Variants in UNC5C observed in about 807,000 individuals in gnomAD.
UNC5C encodes netrin receptor UNC5C.
Under a neutral mutation model 99.8 loss-of-function variants are expected in UNC5C, and 47 were observed. That is an observed-to-expected ratio of 0.47 (90% CI 0.37 to 0.60). The LOEUF (loss-of-function observed/expected upper bound fraction) is 0.60. Ranked by LOEUF, UNC5C falls within the 20% of genes least tolerant of loss-of-function variation. The pLI is 0.00. For missense variants in UNC5C, 1,062 were observed against 1,165.9 expected (o/e 0.91, Z 1.30); for synonymous variants, 487 against 452.2 (o/e 1.08, Z -0.98).
chr4:95,425,936 T>G (rs772323069), intron 1 of UNC5C, among the ~76,000 whole-genome samples: 75 of 152,194 alleles, frequency 4.9e-4, no homozygotes, highest in Non-Finnish European at 9.0e-4. Context: ...ATTCAGATAT[T>G]CCTAATCATA....
Position 95,335,637 on chromosome 4 carries a change from A to G in UNC5C, c.125-6T>C, listed in dbSNP as rs747133308. 1 of 1,599,942 alleles carries G rather than the reference A, an allele frequency of 6.3e-7. No individual in the cohort carries two copies. The highest frequency in any genetic ancestry group is 1.7e-5 in the Admixed American group (1 of 57,256). On this transcript the variant is annotated splice_region_variant and splice_polypyrimidine_tract_variant and intron_variant, in intron 1 of 15. Transcript: ENST00000453304. ...TTCATGAAAAAAGTCATCATCTGAG[A>G]AAGAAGAAGAAAGTGGAAGATGGTT... is the stretch of plus-strand genomic sequence containing the variant.
At chr4:95,314,820 A>G (rs1472318456) in intron 2 of UNC5C, among the ~76,000 whole-genome samples, 1 of 152,230 alleles carries the variant, frequency 6.6e-6, no homozygotes, top group East Asian at 1.9e-4. Context: ...TGATAATGGT[A>G]CTTAAACACT....
At chr4:95,252,831 A>G (rs780672714) in intron 4 of UNC5C, among the ~76,000 whole-genome samples, 1 of 152,178 alleles carries the variant, frequency 6.6e-6, no homozygotes, top group Non-Finnish European at 1.5e-5. Flanking sequence ...ACAACCATAG[A>G]TTGTCCACAT....
At chr4:95,193,114 C>T (rs544146018) in intron 12 of UNC5C, among the ~76,000 whole-genome samples, 1 of 152,320 alleles carries the variant, frequency 6.6e-6, no homozygotes, top group Non-Finnish European at 1.5e-5. Context: ...TATATTGTTT[C>T]TGGATGTTAT....
Position 95,254,211 on chromosome 4 carries a change from G to C in UNC5C, c.595-3544C>G, listed in dbSNP as rs537615104. Among the ~76,000 whole-genome samples the C allele has an allele frequency of 2.6e-5, 4 of 152,152 alleles. No homozygotes were observed. In the East Asian group the frequency reaches 7.7e-4, roughly 29 times the overall value. On this transcript the variant is annotated intron_variant, in intron 4 of 15. Transcript: ENST00000453304. ...TTATTTACAGACCTCTGGGCTTATA[G>C]TCACTTTATCTAAAGCATAATTTCT...
At chr4:95,264,827 C>T (rs1740380027) in intron 4 of UNC5C, among the ~76,000 whole-genome samples, 1 of 152,184 alleles carries the variant, frequency 6.6e-6, no homozygotes, top group African/African-American at 2.4e-5. Flanking sequence ...CTCCACTGTC[C>T]CTCTGAAAAG....
chr4:95,358,457 A>G (rs1744283991), intron 1 of UNC5C, among the ~76,000 whole-genome samples: 1 of 152,206 alleles, frequency 6.6e-6, no homozygotes, highest in Admixed American at 6.5e-5. Context: ...ACTGAAGAAG[A>G]TGGTAAGGGT....
chr4:95,375,059 A>G (rs1337964590), intron 1 of UNC5C, among the ~76,000 whole-genome samples: 1 of 152,160 alleles, frequency 6.6e-6, no homozygotes, highest in Non-Finnish European at 1.5e-5. Context: ...TGGAAAGTGG[A>G]TATTTTATTG....
intron 1 of UNC5C, among the ~76,000 whole-genome samples, chr4:95,376,116 GATTC>G (rs1358131045): frequency 6.6e-6 from 1 of 151,828 alleles, no homozygotes; most frequent in African/African-American, 2.4e-5. Context: ...ATCAATGTTT[GATTC>G]ATTAACTCAT....
chr4:95,481,687 C>T (rs962812078), intron 1 of UNC5C, among the ~76,000 whole-genome samples: 1 of 151,950 alleles, frequency 6.6e-6, no homozygotes, highest in Non-Finnish European at 1.5e-5. Flanking sequence ...CAGAACAGAG[C>T]CCTCAGAAAT....
chr4:95,424,538 T>TTTTTTTTTTTTTTTTTTTTTTTC (rs1746415686), intron 1 of UNC5C, among the ~76,000 whole-genome samples: 1 of 144,678 alleles, frequency 6.9e-6, no homozygotes, highest in Non-Finnish European at 1.5e-5. Context: ...TTTTTTTTTT[T>TTTTTTTTTTTTTTTTTTTTTTTC]TGAGACAGCT....
chr4:95,544,229 G>T lies in UNC5C; in HGVS notation c.124+4505C>A, dbSNP rs144834401. 6.9e-3 allele frequency among the ~76,000 whole-genome samples: 1,058 copies of T among 152,250 alleles called. 12 individuals are homozygous for T. The highest frequency in any genetic ancestry group is 0.024 in the African/African-American group (993 of 41,544). ...GCTGGAGGTGCTGGAAGCAGTATTAGGAAACATTGGTAATCACTATGTTAA... is the reference window on the plus strand; with the variant it reads ...GCTGGAGGTGCTGGAAGCAGTATTATGAAACATTGGTAATCACTATGTTAA... On this transcript the variant is annotated intron_variant, in intron 1 of 15. Transcript: ENST00000453304.
intron 1 of UNC5C, among the ~76,000 whole-genome samples, chr4:95,376,679 T>C (rs1280379063): frequency 6.6e-6 from 1 of 152,230 alleles, no homozygotes; most frequent in East Asian, 1.9e-4. Context: ...GGGTTAAAGT[T>C]ACTTTGAAAT....
chr4:95,260,851 C>G (rs1466963221), intron 4 of UNC5C, among the ~76,000 whole-genome samples: 1 of 152,104 alleles, frequency 6.6e-6, no homozygotes, highest in Non-Finnish European at 1.5e-5. Flanking sequence ...AGGAGAAAAA[C>G]AAGAAGCTTG....
intron 1 of UNC5C, among the ~76,000 whole-genome samples, chr4:95,520,419 C>T (rs1722323096): frequency 6.6e-6 from 1 of 152,008 alleles, no homozygotes; most frequent in Admixed American, 6.6e-5. Flanking sequence ...CTCCAAAATG[C>T]ATAATGGTGA....
At position 95,509,418 on chromosome 4, in the gene UNC5C, A is replaced by C. The variant is rs1446199534; in HGVS notation, c.124+39316T>G. On this transcript the variant is annotated intron_variant, in intron 1 of 15. Transcript: ENST00000453304. Reference sequence around the variant, plus strand: ...TTTCTAGGCCCTGAATTGTAGCTAGAAAAATTCCACCTTTATTTCTATTAT... The same window carrying C: ...TTTCTAGGCCCTGAATTGTAGCTAGCAAAATTCCACCTTTATTTCTATTAT... 2.0e-5 allele frequency among the ~76,000 whole-genome samples: 3 copies of C among 151,978 alleles called. No individual in the cohort carries two copies. In the East Asian group the frequency reaches 5.8e-4, roughly 29 times the overall value.
chr4:95,342,993 C>T (rs1201724908), intron 1 of UNC5C, among the ~76,000 whole-genome samples: 1 of 151,962 alleles, frequency 6.6e-6, no homozygotes, highest in Non-Finnish European at 1.5e-5. Context: ...GCCAGTTTAG[C>T]CACAGTAGAA....
chr4:95,297,718 A>G (rs1004527768), intron 3 of UNC5C, among the ~76,000 whole-genome samples: 2 of 152,216 alleles, frequency 1.3e-5, no homozygotes, highest in Non-Finnish European at 2.9e-5. Context: ...AGCCCTTTCA[A>G]ATCATCCTTT....
At chr4:95,328,076 T>TATTA (rs1742968418) in intron 2 of UNC5C, among the ~76,000 whole-genome samples, 1 of 129,424 alleles carries the variant, frequency 7.7e-6, no homozygotes, top group East Asian at 2.2e-4. Flanking sequence ...TTTTTTTTTT[T>TATTA]TATTATACTT....
Sources: allele counts gnomAD v4.1 joint callset (sites outside exome capture counted in the v4.1 genomes callset), GRCh38; gene constraint gnomAD v4.1.1; transcripts MANE v1.5; gene names NCBI Gene and HGNC (gene_info 2026-07-23, HGNC 2026-07-21).